The following GPHN variants were observed in gnomAD, a reference collection of about 807,000 sequenced individuals.
GPHN encodes the protein gephyrin.
GPHN carries 17 observed loss-of-function variants against 95.5 expected under a neutral mutation model. That is an observed-to-expected ratio of 0.18 (90% confidence interval 0.12 to 0.27). The LOEUF (loss-of-function observed/expected upper bound fraction) is 0.27. Among genes scored for constraint, GPHN ranks in the 10% least tolerant of loss-of-function variants. GPHN has a pLI of 1.00. For synonymous variants in GPHN, 320 were observed against 322.5 expected (o/e 0.99, Z 0.08); for missense variants, 660 against 978.1 (o/e 0.67, Z 4.34).
intron 10 of GPHN, among the ~76,000 whole-genome samples, chr14:67,025,404 A>T (rs1402416005): frequency 6.6e-6 from 1 of 152,098 alleles, no homozygotes; most frequent in Non-Finnish European, 1.5e-5. Flanking sequence ...CTTTAGATAA[A>T]CTTTACCCTG....
the GPHN span, chr14:67,690,794 G>T: frequency 0.014 from 5,092 of 373,456 alleles, 253 homozygotes; most frequent in African/African-American, 0.097. Flanking sequence ...TACAGCCTGG[G>T]CAACATAGCA....
the GPHN span, chr14:67,577,508 C>T: frequency 1.2e-6 from 1 of 809,530 alleles, no homozygotes; most frequent in Non-Finnish European, 2.0e-6. Context: ...ACAGAGGGAT[C>T]TGGAGAGGAA....
chr14:66,788,126 T>C (rs956104320), intron 3 of GPHN, among the ~76,000 whole-genome samples: 1 of 152,162 alleles, frequency 6.6e-6, no homozygotes, highest in Non-Finnish European at 1.5e-5. Flanking sequence ...CTGGCCAACA[T>C]GGTGAAACCT....
chr14:66,925,383 A>G (rs1319386005), intron 8 of GPHN, among the ~76,000 whole-genome samples: 1 of 152,072 alleles, frequency 6.6e-6, no homozygotes, highest in Non-Finnish European at 1.5e-5. Context: ...ATCTAACTAT[A>G]TTTTGGGGTA....
At chr14:67,535,242 G>A in the GPHN span, among the ~76,000 whole-genome samples, 6 of 152,124 alleles carry the variant, frequency 3.9e-5, no homozygotes, top group African/African-American at 1.2e-4. Flanking sequence ...AACTATGGCT[G>A]AAGTACAGGC....
chr14:67,213,070 G>GGGAT, the GPHN span, among the ~76,000 whole-genome samples: 1 of 150,570 alleles, frequency 6.6e-6, no homozygotes, highest in African/African-American at 2.5e-5. Flanking sequence ...CATAAGCTTG[G>GGGAT]GGATGGGGCA....
chr14:67,443,466 C>A, the GPHN span, among the ~76,000 whole-genome samples: 1 of 151,632 alleles, frequency 6.6e-6, no homozygotes, highest in Non-Finnish European at 1.5e-5. Flanking sequence ...GATGGCAAGG[C>A]ACAAAGGGTA....
intron 9 of GPHN, chr14:66,968,983 G>A (rs1355961635): frequency 2.7e-5 from 4 of 148,918 alleles, no homozygotes; most frequent in Non-Finnish European, 6.0e-5. Flanking sequence ...GCTATAGTGA[G>A]AACAAAATCT....
chr14:67,555,386 G>C, the GPHN span, among the ~76,000 whole-genome samples: 1 of 152,204 alleles, frequency 6.6e-6, no homozygotes, highest in East Asian at 1.9e-4. Flanking sequence ...ATTCTGAGTG[G>C]GGAGAAGTGT....
chr14:66,637,262 G>A (rs1025555232), intron 1 of GPHN, among the ~76,000 whole-genome samples: 21 of 152,056 alleles, frequency 1.4e-4, no homozygotes, highest in African/African-American at 5.1e-4. Flanking sequence ...TTGCACTTAG[G>A]ATAAAATACA....
At chr14:67,430,389 G>T in the GPHN span, among the ~76,000 whole-genome samples, 2 of 152,228 alleles carry the variant, frequency 1.3e-5, no homozygotes, top group Non-Finnish European at 1.5e-5. Context: ...TTGTTCCTGT[G>T]CAAGCCTGTG....
At chr14:66,907,967 C>T (rs6573736) in intron 5 of GPHN, among the ~76,000 whole-genome samples, 46,984 of 151,690 alleles carry the variant, frequency 0.31, 11,242 homozygotes, top group African/African-American at 0.65. Flanking sequence ...TCAGTATGAA[C>T]TCATATCTAG....
rs543578413 is a variant in GPHN at position 66,726,577 on chromosome 14, G to A, written c.143+45392G>A. On this transcript the variant is annotated intron_variant, in intron 2 of 22. Coordinates refer to ENST00000478722, the MANE Select transcript of GPHN (RefSeq NM_020806.5). ...ATGAATAGTCAGAGTACTGATTGATGATATGATGATTTTAGACTATTATTA... is the reference window on the plus strand; with the variant it reads ...ATGAATAGTCAGAGTACTGATTGATAATATGATGATTTTAGACTATTATTA... Among the ~76,000 whole-genome samples the A allele has an allele frequency of 6.6e-5, 10 of 152,272 alleles. 1 individual carries two copies. In the East Asian group the frequency reaches 1.2e-3, roughly 18 times the overall value.
At chr14:67,295,387 G>C in the GPHN span, among the ~76,000 whole-genome samples, 1 of 151,960 alleles carries the variant, frequency 6.6e-6, no homozygotes, top group South Asian at 2.1e-4. Flanking sequence ...CTGCTTGGGA[G>C]GCTGAGGCAG....
chr14:67,159,744 C>G (rs186624921), intron 19 of GPHN, among the ~76,000 whole-genome samples: 34 of 152,248 alleles, frequency 2.2e-4, no homozygotes, highest in Middle Eastern at 3.4e-3. Flanking sequence ...ATTCTCATCC[C>G]TAGTTCCTTC....
chr14:67,712,825 C>T, the GPHN span, among the ~76,000 whole-genome samples: 1 of 151,834 alleles, frequency 6.6e-6, no homozygotes, highest in Non-Finnish European at 1.5e-5. Context: ...TTTCAGTTGG[C>T]AGCTAGCAAA....
chr14:66,887,232 T>C (rs1376039893), intron 5 of GPHN, among the ~76,000 whole-genome samples: 1 of 152,070 alleles, frequency 6.6e-6, no homozygotes, highest in Non-Finnish European at 1.5e-5. Flanking sequence ...AGCCATCTTC[T>C]CCCATGTAAC....
chr14:67,145,877 A>T (rs1459224364), intron 18 of GPHN, among the ~76,000 whole-genome samples: 1 of 152,230 alleles, frequency 6.6e-6, no homozygotes, highest in Non-Finnish European at 1.5e-5. Context: ...TTATACTCTA[A>T]GTGCCTATGC....
At chr14:66,854,846 T>C (rs1438857607) in intron 4 of GPHN, among the ~76,000 whole-genome samples, 1 of 128,320 alleles carries the variant, frequency 7.8e-6, no homozygotes, top group East Asian at 2.0e-4. Flanking sequence ...TATTTTAGCC[T>C]TTTTTTTTTT....
Sources: allele counts gnomAD v4.1 joint callset (sites outside exome capture counted in the v4.1 genomes callset), GRCh38; gene constraint gnomAD v4.1.1; transcripts MANE v1.5; gene names NCBI Gene and HGNC (gene_info 2026-07-23, HGNC 2026-07-21).